HYAL4: variants seen among roughly 807,000 people sequenced by gnomAD.
The protein encoded by HYAL4 is hyaluronidase-4.
In HYAL4, 37 loss-of-function variants were observed where a neutral mutation model predicts 35.2. The observed-to-expected ratio is 1.05, with a 90% CI of 0.81 to 1.38. HYAL4 has a LOEUF of 1.38. Ranked by LOEUF, HYAL4 falls within the 40% of genes most tolerant of loss-of-function variation. The pLI, the probability that HYAL4 is intolerant of heterozygous loss-of-function variation, is 0.00. For synonymous variants in HYAL4, 198 were observed against 203.2 expected (o/e 0.97, Z 0.22); for missense variants, 572 against 572.4 (o/e 1.00, Z 0.01).
the HYAL4 span, among the ~76,000 whole-genome samples, chr7:123,799,336 T>A: frequency 6.6e-6 from 1 of 151,860 alleles, no homozygotes; most frequent in African/African-American, 2.4e-5. Flanking sequence ...ATATTTTCAG[T>A]TCCCTACTCT....
chr7:123,798,309 C>T, the HYAL4 span, among the ~76,000 whole-genome samples: 4 of 152,172 alleles, frequency 2.6e-5, no homozygotes, highest in African/African-American at 9.7e-5. Flanking sequence ...AGCCTCCACC[C>T]TTCTACTTGC....
chr7:123,798,985 G>C, the HYAL4 span, among the ~76,000 whole-genome samples: 1 of 152,178 alleles, frequency 6.6e-6, no homozygotes, highest in African/African-American at 2.4e-5. Flanking sequence ...GCTTTGAGCA[G>C]AGGAGTGCCA....
the HYAL4 span, among the ~76,000 whole-genome samples, chr7:123,808,319 A>T: frequency 6.6e-6 from 1 of 152,078 alleles, no homozygotes; most frequent in Non-Finnish European, 1.5e-5. Flanking sequence ...CCCTGATAAG[A>T]CTTGCTATCC....
upstream of HYAL4, among the ~76,000 whole-genome samples, chr7:123,840,856 G>C (rs1806045814): frequency 6.6e-6 from 1 of 152,034 alleles, no homozygotes; most frequent in African/African-American, 2.4e-5. Flanking sequence ...AGACCTTGCT[G>C]AAGTTGCTTA....
intron 1 of HYAL4, among the ~76,000 whole-genome samples, chr7:123,835,672 T>C (rs956172184): frequency 1.3e-5 from 2 of 152,202 alleles, no homozygotes; most frequent in Admixed American, 1.3e-4. Flanking sequence ...GACCTTAGAT[T>C]GTCTATTTAT....
At chr7:123,866,118 C>T (rs1806681573) in intron 2 of HYAL4, among the ~76,000 whole-genome samples, 1 of 152,182 alleles carries the variant, frequency 6.6e-6, no homozygotes. Flanking sequence ...TGAGATTTGG[C>T]TGGAGACACA....
At chr7:123,794,807 C>G in the HYAL4 span, among the ~76,000 whole-genome samples, 2 of 152,248 alleles carry the variant, frequency 1.3e-5, no homozygotes, top group African/African-American at 4.8e-5. Context: ...AATGTGGGGT[C>G]AGAGCTGTCA....
chr7:123,805,906 A>G, the HYAL4 span, among the ~76,000 whole-genome samples: 3 of 152,170 alleles, frequency 2.0e-5, no homozygotes, highest in Non-Finnish European at 1.5e-5. Flanking sequence ...AAGCGGGAGA[A>G]TCACTTGAAC....
intron 2 of HYAL4, among the ~76,000 whole-genome samples, chr7:123,851,285 G>A (rs1157826792): frequency 6.6e-6 from 1 of 152,066 alleles, no homozygotes; most frequent in African/African-American, 2.4e-5. Flanking sequence ...GGATACATCT[G>A]CAGAATGTGT....
chr7:123,795,577 TC>T, the HYAL4 span, among the ~76,000 whole-genome samples: 1 of 152,042 alleles, frequency 6.6e-6, no homozygotes, highest in Non-Finnish European at 1.5e-5. Context: ...TAAGGGGCTT[TC>T]CCCCCTTTTG....
rs370808923 is a variant in HYAL4, at chr7:123,868,319, C to T, written c.46C>T (p.Pro16Ser). 1.6e-5 allele frequency: 25 copies of T among 1,583,918 alleles called. No homozygotes were observed. In the African/African-American group the frequency reaches 1.9e-4, roughly 12 times the overall value. ...EGQLKLCVVQPVHLTSWLLIF... is the reference protein window; with the variant it reads ...EGQLKLCVVQSVHLTSWLLIF... Reference sequence around the variant, plus strand: ...ACAGTTAAAGCTTTGTGTTGTTCAACCAGTACATCTCACTTCATGGCTCCT... The same window carrying T: ...ACAGTTAAAGCTTTGTGTTGTTCAATCAGTACATCTCACTTCATGGCTCCT... The change falls in exon 3 of 5, where the codon CCA (proline) becomes TCA (serine). Residue 16 changes from proline (P) to serine (S), a missense_variant. Transcript: ENST00000223026.
the HYAL4 span, among the ~76,000 whole-genome samples, chr7:123,812,379 A>G: frequency 6.6e-6 from 1 of 152,328 alleles, no homozygotes; most frequent in South Asian, 2.1e-4. Context: ...TGTAGAAAGA[A>G]TTCATTATAT....
chr7:123,763,804 C>T, the HYAL4 span, among the ~76,000 whole-genome samples: 4 of 152,210 alleles, frequency 2.6e-5, no homozygotes, highest in African/African-American at 9.6e-5. Context: ...GCAGCTTCAG[C>T]CTCATCCTCT....
At chr7:123,781,136 C>T in the HYAL4 span, among the ~76,000 whole-genome samples, 1 of 45,008 alleles carries the variant, frequency 2.2e-5, no homozygotes, top group Non-Finnish European at 4.1e-5. Flanking sequence ...CATCTGTCTC[C>T]TGCCTGTCCC....
chr7:123,810,940 GT>G, the HYAL4 span, among the ~76,000 whole-genome samples: 3 of 152,120 alleles, frequency 2.0e-5, no homozygotes, highest in Non-Finnish European at 2.9e-5. Context: ...TTTACAGATA[GT>G]TTATTTCACT....
At chr7:123,791,540 A>G in the HYAL4 span, among the ~76,000 whole-genome samples, 2 of 152,002 alleles carry the variant, frequency 1.3e-5, no homozygotes, top group African/African-American at 4.8e-5. Context: ...ATTTACAAAA[A>G]CCCTGGGGCT....
At chr7:123,790,441 A>G in the HYAL4 span, among the ~76,000 whole-genome samples, 1 of 152,136 alleles carries the variant, frequency 6.6e-6, no homozygotes, top group East Asian at 1.9e-4. Flanking sequence ...CAGATTCATT[A>G]TCTAGTGTTC....
intron 1 of HYAL4, among the ~76,000 whole-genome samples, chr7:123,829,888 C>A (rs1439545186): frequency 6.6e-6 from 1 of 152,110 alleles, no homozygotes; most frequent in African/African-American, 2.4e-5. Context: ...TTGGTGGCTG[C>A]AAGTGCTCTG....
intron 2 of HYAL4, among the ~76,000 whole-genome samples, chr7:123,866,464 A>G (rs1014665356): frequency 6.6e-6 from 1 of 152,156 alleles, no homozygotes; most frequent in African/African-American, 2.4e-5. Flanking sequence ...ATTTAATGAA[A>G]TATGGGCTTT....
Sources: gnomAD v4.1 joint callset for allele counts (sites outside exome capture counted in the v4.1 genomes callset) on GRCh38, gnomAD v4.1.1 for gene constraint, MANE v1.5 for transcripts, NCBI Gene and HGNC (gene_info 2026-07-23, HGNC 2026-07-21) for gene names.